FTO: variants seen among roughly 807,000 people sequenced by gnomAD.
FTO encodes the protein FTO alpha-ketoglutarate dependent dioxygenase.
Under a neutral mutation model 63.9 loss-of-function variants are expected in FTO, and 47 were observed. The ratio of observed to expected loss-of-function variants is 0.74; its 90% CI spans 0.58 to 0.94. The LOEUF is 0.94. Among genes scored for constraint, FTO ranks in the 40% least tolerant of loss-of-function variants. The pLI is 0.00. For synonymous variants in FTO, 207 were observed against 224.4 expected (o/e 0.92, Z 0.69); for missense variants, 562 against 618.1 (o/e 0.91, Z 0.96).
intron 7 of FTO, among the ~76,000 whole-genome samples, chr16:53,926,854 A>T (rs554791663): frequency 9.0e-5 from 13 of 144,740 alleles, no homozygotes; most frequent in African/African-American, 1.6e-4. Flanking sequence ...ATTTGGATTT[A>T]AAAAAAAAAA....
At chr16:54,089,665 A>G (rs1231631385) in intron 8 of FTO, among the ~76,000 whole-genome samples, 1 of 152,236 alleles carries the variant, frequency 6.6e-6, no homozygotes, top group Non-Finnish European at 1.5e-5. Context: ...CAGAGTATGT[A>G]AAGAGTGCCT....
intron 8 of FTO, chr16:53,984,890 A>G (rs1475893319): frequency 6.6e-6 from 3 of 454,064 alleles, no homozygotes. Flanking sequence ...TTGGCTTTTG[A>G]GGTTTCAGGA....
At chr16:53,723,885 G>A (rs1567930196) in intron 1 of FTO, among the ~76,000 whole-genome samples, 1 of 152,206 alleles carries the variant, frequency 6.6e-6, no homozygotes, top group Non-Finnish European at 1.5e-5. Flanking sequence ...CACCTCCACT[G>A]ATCTGTGGAA....
intron 1 of FTO, among the ~76,000 whole-genome samples, chr16:53,803,570 T>C (rs538719782): frequency 6.6e-6 from 1 of 152,330 alleles, no homozygotes; most frequent in South Asian, 2.1e-4. Context: ...TTGTGTATGT[T>C]GTTTTTCAGT....
chr16:54,024,897 GCT>G (rs1214292452), intron 8 of FTO, among the ~76,000 whole-genome samples: 1 of 152,132 alleles, frequency 6.6e-6, no homozygotes, highest in African/African-American at 2.4e-5. Flanking sequence ...GTCCATTGAA[GCT>G]AACTAGTCAA....
chr16:53,770,628 A>T (rs1468729932), intron 1 of FTO, among the ~76,000 whole-genome samples: 2 of 152,040 alleles, frequency 1.3e-5, no homozygotes, highest in African/African-American at 4.8e-5. Flanking sequence ...AGCTCAGAAA[A>T]TTTCCCCTTT....
At chr16:53,723,718 T>C (rs985687841) in intron 1 of FTO, among the ~76,000 whole-genome samples, 1 of 152,222 alleles carries the variant, frequency 6.6e-6, no homozygotes, top group Non-Finnish European at 1.5e-5. Flanking sequence ...GCTTTGTCAC[T>C]GTCACCAAGG....
intron 8 of FTO, among the ~76,000 whole-genome samples, chr16:54,089,904 G>A (rs2144549088): frequency 6.6e-6 from 1 of 152,048 alleles, no homozygotes; most frequent in African/African-American, 2.4e-5. Flanking sequence ...CAAGCATGTG[G>A]AGAAATGGGG....
chr16:53,749,251 TATC>T (rs974387818), intron 1 of FTO, among the ~76,000 whole-genome samples: 1 of 152,182 alleles, frequency 6.6e-6, no homozygotes, highest in Non-Finnish European at 1.5e-5. Flanking sequence ...TGTAAGAGCA[TATC>T]ATCAGCAAAC....
intron 8 of FTO, among the ~76,000 whole-genome samples, chr16:54,030,361 G>C (rs1298687422): frequency 6.6e-6 from 1 of 152,142 alleles, no homozygotes; most frequent in African/African-American, 2.4e-5. Context: ...AAACAGTCTT[G>C]ATTTTTATTG....
intron 8 of FTO, chr16:54,061,585 G>A (rs856975): frequency 0.076 from 11,439 of 149,534 alleles, 663 homozygotes; most frequent in African/African-American, 0.16. Flanking sequence ...TTTGAGGCAC[G>A]CCTGAACTGG....
intron 8 of FTO, among the ~76,000 whole-genome samples, chr16:53,962,858 A>G (rs2083113712): frequency 6.6e-6 from 1 of 152,216 alleles, no homozygotes; most frequent in Non-Finnish European, 1.5e-5. Context: ...AGCATGAGAA[A>G]TGTATATTTT....
chr16:53,817,729 A>G (rs1243414965), intron 2 of FTO, among the ~76,000 whole-genome samples: 1 of 152,242 alleles, frequency 6.6e-6, no homozygotes, highest in African/African-American at 2.4e-5. Context: ...AGGAAAAGGT[A>G]GAATTTTTAT....
At chr16:53,830,654 C>T (rs892373798) in intron 3 of FTO, among the ~76,000 whole-genome samples, 1 of 152,198 alleles carries the variant, frequency 6.6e-6, no homozygotes, top group South Asian at 2.1e-4. Flanking sequence ...AATCCCAGCA[C>T]TTTGGGAGAC....
At chr16:53,848,840 T>C (rs2079707317) in intron 4 of FTO, among the ~76,000 whole-genome samples, 1 of 152,066 alleles carries the variant, frequency 6.6e-6, no homozygotes, top group Admixed American at 6.6e-5. Context: ...AGGTAAACAT[T>C]TGGGGCAAAA....
Position 53,975,105 on chromosome 16 carries a change from C to G in FTO, c.1364+40996C>G, listed in dbSNP as rs576021571. ...TGTACTTTAGTTTTTATATAGAGCA[C>G]ATTGAAAACTTGGTAATATTAGCAT... On this transcript the variant is annotated intron_variant, in intron 8 of 8. Transcript: ENST00000471389. 1.4e-4 allele frequency among the ~76,000 whole-genome samples: 22 copies of G among 151,898 alleles called. No individual in the cohort carries two copies. The East Asian group carries it at 2.5e-3, about 17-fold the overall frequency.
chr16:54,015,675 C>G (rs2084427162), intron 8 of FTO, among the ~76,000 whole-genome samples: 1 of 152,200 alleles, frequency 6.6e-6, no homozygotes, highest in African/African-American at 2.4e-5. Context: ...TGAGTCCTTA[C>G]CATATGCCAA....
chr16:53,722,322 C>T (rs937941556), intron 1 of FTO, among the ~76,000 whole-genome samples: 1 of 152,022 alleles, frequency 6.6e-6, no homozygotes, highest in Non-Finnish European at 1.5e-5. Context: ...TATAAGATCC[C>T]TCTGGCTGAC....
intron 8 of FTO, among the ~76,000 whole-genome samples, chr16:54,081,003 T>A (rs1365524385): frequency 6.6e-6 from 1 of 152,188 alleles, no homozygotes; most frequent in Non-Finnish European, 1.5e-5. Context: ...TGTCCCCTAA[T>A]TATAATGTTA....
Sources: gnomAD v4.1 joint callset for allele counts (sites outside exome capture counted in the v4.1 genomes callset) on GRCh38, gnomAD v4.1.1 for gene constraint, MANE v1.5 for transcripts, NCBI Gene and HGNC (gene_info 2026-07-23, HGNC 2026-07-21) for gene names.